The following SLC14A2 variants were observed in gnomAD, a reference collection of about 807,000 sequenced individuals.
SLC14A2 encodes the protein urea transporter 2.
Under a neutral mutation model 104.6 loss-of-function variants are expected in SLC14A2, and 91 were observed. That is an observed-to-expected ratio of 0.87 (90% CI 0.73 to 1.04). The LOEUF (loss-of-function observed/expected upper bound fraction) is 1.04, where lower values mean the gene tolerates loss of function less well. Among genes scored for constraint, SLC14A2 ranks in the 50% least tolerant of loss-of-function variants. The probability of loss-of-function intolerance (pLI) is 0.00; values close to 1 mark genes in which losing one functional copy is unlikely to be tolerated. For synonymous variants in SLC14A2, 476 were observed against 466.4 expected (o/e 1.02, Z -0.27); for missense variants, 1,189 against 1,156.0 (o/e 1.03, Z -0.41).
chr18:45,393,945 TG>T (rs1260129124), intron 1 of SLC14A2, among the ~76,000 whole-genome samples: 1 of 152,214 alleles, frequency 6.6e-6, no homozygotes, highest in African/African-American at 2.4e-5. Context: ...TAGTAAGTGA[TG>T]GAGATGGGAT....
At chr18:45,427,217 A>G (rs1438867368) in intron 1 of SLC14A2, among the ~76,000 whole-genome samples, 4 of 151,870 alleles carry the variant, frequency 2.6e-5, no homozygotes, top group Non-Finnish European at 4.4e-5. Flanking sequence ...ATTTTTCTTC[A>G]TGGAGAAAGC....
At chr18:45,607,052 T>C (rs2044883695) in intron 2 of SLC14A2, among the ~76,000 whole-genome samples, 1 of 152,220 alleles carries the variant, frequency 6.6e-6, no homozygotes, top group Non-Finnish European at 1.5e-5. Context: ...TTCGACTGTT[T>C]TAATATTTTC....
intron 2 of SLC14A2, among the ~76,000 whole-genome samples, chr18:45,579,121 G>A (rs963419747): frequency 2.6e-5 from 4 of 152,116 alleles, no homozygotes; most frequent in African/African-American, 7.2e-5. Context: ...ACTAGACTCA[G>A]GACTAGAAAA....
Position 45,217,284 on chromosome 18 carries a change from T to C in SLC14A2, c.-125+4093T>C, listed in dbSNP as rs995603996. On this transcript the variant is annotated intron_variant, in intron 1 of 20. Coordinates refer to the SLC14A2 transcript ENST00000586448. ...AATATACATATATTACATAGATATG[T>C]ATTACATGTATATATACATCATCAT... Among the ~76,000 whole-genome samples, 3 of 148,606 alleles carry C rather than the reference T, an allele frequency of 2.0e-5. No homozygotes were observed. The Admixed American group carries it at 2.0e-4, about 10-fold the overall frequency.
At chr18:45,463,649 G>A (rs1001169514) in intron 1 of SLC14A2, among the ~76,000 whole-genome samples, 1 of 152,150 alleles carries the variant, frequency 6.6e-6, no homozygotes, top group African/African-American at 2.4e-5. Flanking sequence ...TTCTGGCTGG[G>A]GTTTTCCCAG....
intron 2 of SLC14A2, among the ~76,000 whole-genome samples, chr18:45,551,781 T>C (rs962476157): frequency 6.6e-6 from 1 of 152,202 alleles, no homozygotes; most frequent in African/African-American, 2.4e-5. Context: ...TACACTGGCT[T>C]CACAGTGGAA....
At chr18:45,280,899 C>G (rs1443522570) in intron 1 of SLC14A2, among the ~76,000 whole-genome samples, 1 of 152,118 alleles carries the variant, frequency 6.6e-6, no homozygotes, top group East Asian at 1.9e-4. Context: ...ATCGCTGTGC[C>G]TTTATCTTTC....
In SLC14A2 at chr18:45,546,673, A is replaced by C. The variant is rs147527857; in HGVS notation, c.-35+63351A>C. On this transcript the variant is annotated intron_variant, in intron 2 of 20. Coordinates refer to the SLC14A2 transcript ENST00000586448. ...CAGACTGATTTCAAATCTATCACTC[A>C]CTAGTTGTTAACCTTGGGCATTTTA... is the stretch of plus-strand genomic sequence containing the variant. Among the ~76,000 whole-genome samples the C allele has an allele frequency of 1.8e-3, 273 of 152,320 alleles. 1 individual carries two copies. The highest frequency in any genetic ancestry group is 6.2e-3 in the African/African-American group (258 of 41,560).
intron 1 of SLC14A2, among the ~76,000 whole-genome samples, chr18:45,266,128 G>C (rs1455108482): frequency 1.3e-5 from 2 of 152,124 alleles, no homozygotes; most frequent in Non-Finnish European, 2.9e-5. Context: ...ATCTTGACTT[G>C]AGACCTACAG....
At chr18:45,631,345 TGCCTATGCCCCTCCCTCACCCACA>T (rs1294351238) in intron 4 of SLC14A2, among the ~76,000 whole-genome samples, 1 of 152,212 alleles carries the variant, frequency 6.6e-6, no homozygotes, top group East Asian at 1.9e-4. Flanking sequence ...CATCACAAGC[TGCCTATGCCCCTCCCTCACCCACA>T]GCCTATGCCC....
intron 12 of SLC14A2, 69 bp downstream of exon 12, chr18:45,666,288 C>A (rs1031955309): frequency 3.8e-6 from 4 of 1,041,722 alleles, no homozygotes; most frequent in Non-Finnish European, 6.0e-6. Context: ...GATGAGGGAG[C>A]TGAGAGCTGT....
At chr18:45,405,630 T>A (rs1410725224) in intron 1 of SLC14A2, among the ~76,000 whole-genome samples, 1 of 152,180 alleles carries the variant, frequency 6.6e-6, no homozygotes, top group East Asian at 1.9e-4. Flanking sequence ...TGGCCGGGTG[T>A]GGTGGCTCTT....
the SLC14A2 span, among the ~76,000 whole-genome samples, chr18:45,192,239 A>T: frequency 6.6e-6 from 1 of 152,136 alleles, no homozygotes; most frequent in Non-Finnish European, 1.5e-5. Context: ...TATATTCAAA[A>T]TATTATTTTT....
intron 10 of SLC14A2, among the ~76,000 whole-genome samples, chr18:45,652,904 C>G (rs2045764839): frequency 6.6e-6 from 1 of 152,126 alleles, no homozygotes; most frequent in Non-Finnish European, 1.5e-5. Flanking sequence ...TGTGTATGAA[C>G]TTCCTGAAAG....
chr18:45,291,331 A>C (rs2144167186), intron 1 of SLC14A2, among the ~76,000 whole-genome samples: 1 of 152,252 alleles, frequency 6.6e-6, no homozygotes, highest in African/African-American at 2.4e-5. Flanking sequence ...TCTCTCCCAT[A>C]AAGGTTGCGT....
At chr18:45,618,511 AT>A (rs2144482210) in intron 1 of SLC14A2, among the ~76,000 whole-genome samples, 1 of 152,024 alleles carries the variant, frequency 6.6e-6, no homozygotes, top group East Asian at 1.9e-4. Context: ...TCTACAAAAA[AT>A]ACAAAAATTA....
At chr18:45,496,564 G>A (rs191512407) in intron 2 of SLC14A2, among the ~76,000 whole-genome samples, 2 of 152,270 alleles carry the variant, frequency 1.3e-5, no homozygotes, top group East Asian at 1.9e-4. Context: ...TCAGGAGTTC[G>A]AGGCCAGCCT....
intron 1 of SLC14A2, among the ~76,000 whole-genome samples, chr18:45,446,719 G>C (rs1276863140): frequency 6.6e-6 from 1 of 152,104 alleles, no homozygotes; most frequent in African/African-American, 2.4e-5. Flanking sequence ...ACCTCGCACA[G>C]GTCTGTGCAG....
chr18:45,385,689 A>T (rs2085888016), intron 1 of SLC14A2, among the ~76,000 whole-genome samples: 1 of 152,212 alleles, frequency 6.6e-6, no homozygotes, highest in African/African-American at 2.4e-5. Flanking sequence ...CTTGCTCAAG[A>T]TGTCTCAGCT....
Sources: gnomAD v4.1 joint callset for allele counts (sites outside exome capture counted in the v4.1 genomes callset) on GRCh38, gnomAD v4.1.1 for gene constraint, MANE v1.5 for transcripts, NCBI Gene and HGNC (gene_info 2026-07-23, HGNC 2026-07-21) for gene names.